XRCC6: variants seen among roughly 807,000 people sequenced by gnomAD.
The protein encoded by XRCC6 is X-ray repair cross complementing 6, also known as DNA repair protein Ku70.
A neutral mutation model predicts 65.7 loss-of-function variants in XRCC6; 5 were observed. The ratio of observed to expected loss-of-function variants is 0.08; its 90% CI spans 0.04 to 0.16. XRCC6 has a LOEUF of 0.16. XRCC6 is among the 10% of genes least tolerant of loss of function. The pLI is 1.00. For missense variants in XRCC6, 447 were observed against 738.1 expected (o/e 0.61, Z 4.57); for synonymous variants, 270 against 270.6 (o/e 1.00, Z 0.02).
intron 9 of XRCC6, among the ~76,000 whole-genome samples, chr22:41,654,350 GTTACTAAGCTATTGTATCTCAGCTCCAAA>G (rs1569096297): frequency 6.6e-6 from 1 of 152,166 alleles, no homozygotes; most frequent in Admixed American, 6.5e-5. Flanking sequence ...GGAGTGCTCA[GTTACTAAGCTATTGTATCTCAGCTCCAAA>G]TTCACCCTTT....
chr22:41,649,469 C>T (rs1191042553), intron 7 of XRCC6, among the ~76,000 whole-genome samples: 4 of 151,784 alleles, frequency 2.6e-5, no homozygotes, highest in Non-Finnish European at 5.9e-5. Context: ...AGTCAACGTG[C>T]CCTGCCTTGG....
At position 41,650,752 on chromosome 22, in the gene XRCC6, G is replaced by A; in HGVS notation, c.990G>A (p.Glu330=). 1.9e-6 allele frequency: 3 copies of A among 1,613,748 alleles called. No homozygotes were observed. Among genetic ancestry groups the A allele is most frequent in the Non-Finnish European group, 2.5e-6 (3 of 1,179,832 alleles). ...ATGGGAGTCGTCAGATTATACTGGA[G>A]AAAGAGGAAACAGAAGAGCTAAAAC... ...QIYGSRQIIL[E]KEETEELKRF... The change falls in exon 8 of 13, where the codon GAG becomes GAA. Residue 330 remains glutamate (E), a synonymous_variant. Transcript: ENST00000360079.
chr22:41,637,485 G>C (rs2067821807), intron 5 of XRCC6, 123 bp from the exon 6 acceptor site: 1 of 906,722 alleles, frequency 1.1e-6, no homozygotes, highest in Non-Finnish European at 1.6e-6. Context: ...TCTAAGTCCT[G>C]AAAATGTTAA....
chr22:41,643,829 A>G (rs1277428087), intron 6 of XRCC6, among the ~76,000 whole-genome samples: 1 of 149,296 alleles, frequency 6.7e-6, no homozygotes, highest in Non-Finnish European at 1.5e-5. Context: ...TCAAAAAAAA[A>G]AAAAAATTAG....
At chr22:41,663,492 T>C in intron 12 of XRCC6, 130 bp from the exon 13 acceptor site, 1 of 978,744 alleles carries the variant, frequency 1.0e-6, no homozygotes. Flanking sequence ...TTCCCCATGG[T>C]GTCCTAGGCT....
chr22:41,637,892 A>G, intron 6 of XRCC6, 101 bp downstream of exon 6: 1 of 1,325,888 alleles, frequency 7.5e-7, no homozygotes, highest in African/African-American at 1.5e-5. Flanking sequence ...TGGGAGGCCA[A>G]GGCAGGCGGA....
intron 12 of XRCC6, among the ~76,000 whole-genome samples, chr22:41,662,402 C>T (rs903947408): frequency 9.2e-5 from 14 of 152,194 alleles, no homozygotes; most frequent in Middle Eastern, 3.4e-3. Flanking sequence ...TCTATACAAC[C>T]ATACATATTT....
intron 9 of XRCC6, among the ~76,000 whole-genome samples, chr22:41,654,246 A>G (rs777842014): frequency 7.2e-5 from 11 of 152,190 alleles, no homozygotes; most frequent in Non-Finnish European, 1.6e-4. Flanking sequence ...TTCCTTAGCT[A>G]CAAAGATGGG....
intron 7 of XRCC6, among the ~76,000 whole-genome samples, chr22:41,647,902 A>G (rs1441129392): frequency 1.3e-5 from 2 of 151,980 alleles, no homozygotes; most frequent in Non-Finnish European, 2.9e-5. Context: ...ATTTTCTCCA[A>G]CTGAAGAGTT....
At chr22:41,651,033 C>CAGTGGCTCACACCTGTAATCCTAGCACT in intron 8 of XRCC6, 142 bp downstream of exon 8, 1 of 1,139,076 alleles carries the variant, frequency 8.8e-7, no homozygotes, top group Non-Finnish European at 1.2e-6. Context: ...CTGCCTGGTG[C>CAGTGGCTCACACCTGTAATCCTAGCACT]AGTGGCTCAC....
chr22:41,651,048 G>A (rs1206834705), intron 8 of XRCC6, among the ~76,000 whole-genome samples, 157 bp downstream of exon 8: 7 of 152,218 alleles, frequency 4.6e-5, no homozygotes, highest in African/African-American at 1.7e-4. Flanking sequence ...GCTCACACCT[G>A]TAATCCTAGC....
chr22:41,621,913 G>A (rs2067611224), intron 1 of XRCC6, 77 bp from the exon 2 acceptor site: 4 of 1,397,092 alleles, frequency 2.9e-6, no homozygotes, highest in South Asian at 1.2e-5. Flanking sequence ...TTTTAGAACA[G>A]ATCTCACAAG....
intron 12 of XRCC6, among the ~76,000 whole-genome samples, chr22:41,662,159 A>C (rs564455198): frequency 6.6e-6 from 1 of 152,326 alleles, no homozygotes; most frequent in East Asian, 1.9e-4. Flanking sequence ...TCGATAATAC[A>C]ACAGAGTGAC....
chr22:41,650,955 T>C, intron 8 of XRCC6, 64 bp downstream of exon 8: 1 of 1,580,298 alleles, frequency 6.3e-7, no homozygotes, highest in East Asian at 2.2e-5. Flanking sequence ...AGCAGCGCTT[T>C]GTAAATGGGC....
intron 6 of XRCC6, among the ~76,000 whole-genome samples, chr22:41,641,107 C>T (rs2067870711): frequency 6.6e-6 from 1 of 152,108 alleles, no homozygotes; most frequent in Non-Finnish European, 1.5e-5. Context: ...ACTGTACTTT[C>T]ACATAGGATT....
chr22:41,662,274 C>CA (rs748139391), intron 12 of XRCC6, among the ~76,000 whole-genome samples: 10 of 152,116 alleles, frequency 6.6e-5, no homozygotes, highest in Non-Finnish European at 1.3e-4. Flanking sequence ...CCCATTTATG[C>CA]TGATGTGATT....
intron 3 of XRCC6, among the ~76,000 whole-genome samples, chr22:41,633,631 T>G (rs1377745936): frequency 6.6e-6 from 1 of 152,154 alleles, no homozygotes; most frequent in Non-Finnish European, 1.5e-5. Flanking sequence ...TCTGCCCACT[T>G]CGGCCTCCCA....
At chr22:41,641,515 A>G (rs977202386) in intron 6 of XRCC6, among the ~76,000 whole-genome samples, 4 of 152,128 alleles carry the variant, frequency 2.6e-5, no homozygotes, top group African/African-American at 4.8e-5. Context: ...ATTATTGACT[A>G]TAGTCACCCT....
At chr22:41,639,416 C>T (rs2067850065) in intron 6 of XRCC6, among the ~76,000 whole-genome samples, 2 of 142,052 alleles carry the variant, frequency 1.4e-5, no homozygotes, top group African/African-American at 5.2e-5. Context: ...TCACCTTAGC[C>T]TCGACCTCCT....
Sources: gnomAD v4.1 joint callset for allele counts (sites outside exome capture counted in the v4.1 genomes callset) on GRCh38, gnomAD v4.1.1 for gene constraint, MANE v1.5 for transcripts, NCBI Gene and HGNC (gene_info 2026-07-23, HGNC 2026-07-21) for gene names.